Variants in SHROOM2 observed in about 807,000 individuals in gnomAD.
The protein encoded by SHROOM2 is shroom family member 2, also known as protein Shroom2.
In SHROOM2, 33 loss-of-function variants were observed where a neutral mutation model predicts 75.9. The ratio of observed to expected loss-of-function variants is 0.43; its 90% CI spans 0.33 to 0.58. The LOEUF is 0.58. SHROOM2 is among the 20% of genes least tolerant of loss of function. The probability of loss-of-function intolerance (pLI) is 0.04; values close to 1 mark genes in which losing one functional copy is unlikely to be tolerated. For missense variants in SHROOM2, 1,434 were observed against 1,461.2 expected (o/e 0.98, Z 0.30); for synonymous variants, 655 against 663.6 (o/e 0.99, Z 0.20).
At chrX:9,818,411 T>A in intron 1 of SHROOM2, 1 of 248,440 alleles carries the variant, frequency 4.0e-6, no homozygotes, top group Non-Finnish European at 8.1e-6. Context: ...TTGACACGAA[T>A]CTCTTTGGCA....
intron 1 of SHROOM2, among the ~76,000 whole-genome samples, chrX:9,829,443 T>C (rs929796677): frequency 8.9e-6 from 1 of 112,099 alleles, no homozygotes; most frequent in African/African-American, 3.2e-5. Context: ...GGCTAAGAGC[T>C]GACCCCAGAG....
At chrX:9,854,100 C>T (rs2084054234) in intron 1 of SHROOM2, among the ~76,000 whole-genome samples, 1 of 112,619 alleles carries the variant, frequency 8.9e-6, no homozygotes, top group African/African-American at 3.2e-5. Context: ...TTTTTAACCC[C>T]AGTGGCTTCC....
intron 8 of SHROOM2, among the ~76,000 whole-genome samples, chrX:9,941,709 C>T (rs1193078950): frequency 9.0e-6 from 1 of 110,972 alleles, no homozygotes; most frequent in Non-Finnish European, 1.9e-5. Flanking sequence ...CGGTGGCTCA[C>T]GCTTGTAATC....
intron 1 of SHROOM2, among the ~76,000 whole-genome samples, chrX:9,844,320 C>T (rs1374531730): frequency 9.1e-6 from 1 of 110,440 alleles, no homozygotes; most frequent in East Asian, 2.8e-4. Flanking sequence ...AAGACCAGCC[C>T]AGGCAACATA....
At chrX:9,876,566 C>T (rs1334213210) in intron 2 of SHROOM2, among the ~76,000 whole-genome samples, 6 of 112,284 alleles carry the variant, frequency 5.3e-5, no homozygotes, top group Admixed American at 9.5e-5. Flanking sequence ...TTATGTAGAG[C>T]TCCAGGATGG....
At chrX:9,898,557 G>C in intron 5 of SHROOM2, among the ~76,000 whole-genome samples, 1 of 112,324 alleles carries the variant, frequency 8.9e-6, no homozygotes, top group East Asian at 2.8e-4. Context: ...AATGGCTACT[G>C]TGTTTTCCGC....
intron 1 of SHROOM2, chrX:9,865,665 A>G (rs1177279147): frequency 4.1e-5 from 4 of 97,147 alleles, no homozygotes; most frequent in Admixed American, 3.8e-4. Flanking sequence ...GGTTCACACT[A>G]TTCTCCTGCC....
At chrX:9,830,848 G>T (rs1476335985) in intron 1 of SHROOM2, among the ~76,000 whole-genome samples, 1 of 110,834 alleles carries the variant, frequency 9.0e-6, no homozygotes, top group Non-Finnish European at 1.9e-5. Flanking sequence ...CAGGTGATCT[G>T]CCCGTCTCGG....
At position 9,830,584 on chromosome X, in the gene SHROOM2, C is replaced by CTTTTTTTTTT. The variant is rs1166769024; in HGVS notation, c.166-43043_166-43034dup. ...AGGGTCTCAAGTGAACCCCTGGTTT[C>CTTTTTTTTTT]TTTTTTTTTTTTTTTTTTTTTTTTT... On this transcript the variant is annotated intron_variant, in intron 1 of 9. Coordinates refer to ENST00000380913, the MANE Select transcript of SHROOM2 (RefSeq NM_001649.4). Among the ~76,000 whole-genome samples the CTTTTTTTTTT allele has an allele frequency of 6.2e-4, 21 of 33,648 alleles. 2 individuals are homozygous for CTTTTTTTTTT. Among genetic ancestry groups the CTTTTTTTTTT allele is most frequent in the Non-Finnish European group, 8.3e-4 (17 of 20,507 alleles). 29.2% of individuals were successfully genotyped at this position (33,648 alleles called of 115,157 possible). A position where few individuals can be genotyped will look rare whatever the true frequency, so the allele number is the denominator to read the frequency against.
At position 9,914,466 on chromosome X, in the gene SHROOM2, G is replaced by A. The variant is rs1006934471; in HGVS notation, c.2891+16176G>A. 3.6e-5 allele frequency among the ~76,000 whole-genome samples: 4 copies of A among 110,439 alleles called. No homozygotes were observed. The South Asian group carries it at 1.5e-3, about 42-fold the overall frequency. ...TTTTTAAGAAGACCAGGGTAGGGGA[G>A]CAGTGGGAAGAAGCTGATGTCTTGT... On this transcript the variant is annotated intron_variant, in intron 5 of 9. Transcript: ENST00000380913.
At chrX:9,836,105 C>T (rs922909374) in intron 1 of SHROOM2, among the ~76,000 whole-genome samples, 1 of 112,298 alleles carries the variant, frequency 8.9e-6, no homozygotes, top group Non-Finnish European at 1.9e-5. Context: ...GGGCAGCAGA[C>T]CCGGGCACCA....
chrX:9,932,070 C>A, intron 5 of SHROOM2, 105 bp from the exon 6 acceptor site: 2 of 750,732 alleles, frequency 2.7e-6, no homozygotes, highest in Non-Finnish European at 3.7e-6. Context: ...ATGGATTTAA[C>A]TCCTGAAAGT....
chrX:9,807,968 C>T (rs1375639295), intron 1 of SHROOM2, among the ~76,000 whole-genome samples: 1 of 111,781 alleles, frequency 8.9e-6, no homozygotes, highest in Non-Finnish European at 1.9e-5. Context: ...TCCTGGGTGC[C>T]AGGCACACCT....
At chrX:9,892,729 A>G (rs2084301194) in intron 3 of SHROOM2, among the ~76,000 whole-genome samples, 1 of 111,853 alleles carries the variant, frequency 8.9e-6, no homozygotes, top group African/African-American at 3.3e-5. Flanking sequence ...GGGAAACCCA[A>G]ACAGTCCTCT....
chrX:9,833,348 C>G (rs760499713), intron 1 of SHROOM2, among the ~76,000 whole-genome samples: 2 of 111,775 alleles, frequency 1.8e-5, no homozygotes, highest in African/African-American at 3.3e-5. Context: ...CTCTCCAAGG[C>G]AGACTTCCAC....
At chrX:9,890,461 T>A (rs1197274809) in intron 2 of SHROOM2, among the ~76,000 whole-genome samples, 1 of 113,658 alleles carries the variant, frequency 8.8e-6, no homozygotes, top group South Asian at 3.5e-4. Context: ...AACAAAAATC[T>A]AAAAAGAAGG....
intron 5 of SHROOM2, among the ~76,000 whole-genome samples, chrX:9,929,357 C>T (rs1035936433): frequency 1.8e-5 from 2 of 112,224 alleles, no homozygotes; most frequent in Admixed American, 9.4e-5. Context: ...GGCTGGAGCG[C>T]GCCCCGTGCT....
intron 1 of SHROOM2, among the ~76,000 whole-genome samples, chrX:9,808,011 C>G (rs942518457): frequency 3.6e-5 from 4 of 112,001 alleles, no homozygotes; most frequent in Admixed American, 9.4e-5. Context: ...TTGGCCTGGA[C>G]AAGCCCAGGC....
chrX:9,914,056 C>T (rs1055692585), intron 5 of SHROOM2, among the ~76,000 whole-genome samples: 6 of 90,235 alleles, frequency 6.6e-5, no homozygotes, highest in Admixed American at 1.3e-4. Flanking sequence ...TCCACCTGCG[C>T]CCACCCCCCT....
Sources: allele counts gnomAD v4.1 joint callset (sites outside exome capture counted in the v4.1 genomes callset), GRCh38; gene constraint gnomAD v4.1.1; transcripts MANE v1.5; gene names NCBI Gene and HGNC (gene_info 2026-07-23, HGNC 2026-07-21).